Variants in PDCD11 observed in about 807,000 individuals in gnomAD.
The protein encoded by PDCD11 is programmed cell death 11.
A neutral mutation model predicts 198.9 loss-of-function variants in PDCD11; 97 were observed. The ratio of observed to expected loss-of-function variants is 0.49; its 90% CI spans 0.41 to 0.58. The LOEUF (loss-of-function observed/expected upper bound fraction) is 0.58, where lower values mean the gene tolerates loss of function less well. PDCD11 is among the 20% of genes least tolerant of loss of function. The pLI is 0.00. For synonymous variants in PDCD11, 893 were observed against 918.0 expected (o/e 0.97, Z 0.49); for missense variants, 2,102 against 2,312.7 (o/e 0.91, Z 1.87).
chr10:103,442,950 C>T (rs1047034863), intron 32 of PDCD11, among the ~76,000 whole-genome samples: 4 of 152,156 alleles, frequency 2.6e-5, no homozygotes, highest in African/African-American at 9.7e-5. Flanking sequence ...AGGCAGAATC[C>T]AGGAGAGCCT....
intron 25 of PDCD11, among the ~76,000 whole-genome samples, chr10:103,437,314 A>G (rs1281785496): frequency 1.3e-5 from 2 of 151,626 alleles, no homozygotes; most frequent in Non-Finnish European, 2.9e-5. Flanking sequence ...GCTTTTTAAA[A>G]AAGTTTTTTT....
chr10:103,420,088 G>A (rs551656411), intron 16 of PDCD11, among the ~76,000 whole-genome samples: 25 of 149,934 alleles, frequency 1.7e-4, no homozygotes, highest in Middle Eastern at 3.5e-3. Flanking sequence ...GTGAGCCACC[G>A]CACCTGGCCA....
chr10:103,411,102 A>G (rs1467460046), intron 8 of PDCD11, among the ~76,000 whole-genome samples: 1 of 151,508 alleles, frequency 6.6e-6, no homozygotes, highest in African/African-American at 2.4e-5. Flanking sequence ...AAATTTTTAC[A>G]GGCGAGGTCT....
At chr10:103,409,676 T>C (rs2030675830) in intron 7 of PDCD11, 23 bp from the exon 8 acceptor site, 1 of 1,571,502 alleles carries the variant, frequency 6.4e-7, no homozygotes, top group African/African-American at 1.4e-5. Context: ...CTTTTTTTTA[T>C]AACTTGTTCT....
At chr10:103,398,381 C>A in intron 1 of PDCD11, 35 bp from the exon 2 acceptor site, 2 of 1,298,914 alleles carry the variant, frequency 1.5e-6, no homozygotes, top group Non-Finnish European at 2.2e-6. Context: ...GCTACCAAGA[C>A]AACATGTCAC....
intron 7 of PDCD11, among the ~76,000 whole-genome samples, chr10:103,408,714 T>C (rs1446069095): frequency 6.6e-6 from 1 of 152,006 alleles, no homozygotes; most frequent in African/African-American, 2.4e-5. Flanking sequence ...CTAATTTTTG[T>C]ATTTTTGTAG....
intron 21 of PDCD11, among the ~76,000 whole-genome samples, chr10:103,431,396 G>GA (rs2031927483): frequency 1.3e-5 from 2 of 151,952 alleles, no homozygotes; most frequent in Non-Finnish European, 2.9e-5. Flanking sequence ...TTCGAGACCA[G>GA]CCTGGCCAAC....
In PDCD11 at chr10:103,439,812, A is replaced by G. The variant is rs2032301629; in HGVS notation, c.4092A>G (p.Lys1364=). The stretch of plus-strand genomic sequence containing the variant: ...TCTCCCAGCACAGCCCGTCCAAGAA[A>G]GCCCTTTATAACAAACACCTCCCTG... The part of the protein sequence containing the change: ...SHVSQHSPSK[K]ALYNKHLPEG... The change falls in exon 28 of 36, where the codon AAA becomes AAG. Residue 1364 remains lysine, a synonymous_variant. Coordinates refer to ENST00000369797, the MANE Select transcript of PDCD11 (RefSeq NM_014976.2). The G allele has an allele frequency of 3.1e-6, 5 of 1,614,014 alleles. No homozygotes were observed. The South Asian group carries it at 5.5e-5, about 18-fold the overall frequency.
At chr10:103,427,838 G>C (rs1319420225) in intron 21 of PDCD11, among the ~76,000 whole-genome samples, 1 of 152,146 alleles carries the variant, frequency 6.6e-6, no homozygotes, top group Admixed American at 6.5e-5. Flanking sequence ...GATACTCTGT[G>C]GGGAGGAGAA....
At chr10:103,420,533 T>C (rs1435195275) in intron 16 of PDCD11, among the ~76,000 whole-genome samples, 1 of 152,098 alleles carries the variant, frequency 6.6e-6, no homozygotes, top group African/African-American at 2.4e-5. Flanking sequence ...CCGAGGCCTA[T>C]TGAGGGGATG....
chr10:103,407,571 A>G (rs2030536601), intron 7 of PDCD11, among the ~76,000 whole-genome samples: 1 of 152,040 alleles, frequency 6.6e-6, no homozygotes, highest in African/African-American at 2.4e-5. Flanking sequence ...TCAAACAAAC[A>G]AACAAAATAT....
At chr10:103,398,269 G>A (rs1168892877) in intron 1 of PDCD11, 147 bp from the exon 2 acceptor site, 7 of 594,620 alleles carry the variant, frequency 1.2e-5, no homozygotes, top group African/African-American at 7.4e-5. Flanking sequence ...GGATTATTCC[G>A]GGCCTGACAT....
At chr10:103,402,490 G>A (rs2030161657) in intron 3 of PDCD11, among the ~76,000 whole-genome samples, 1 of 151,844 alleles carries the variant, frequency 6.6e-6, no homozygotes, top group Non-Finnish European at 1.5e-5. Flanking sequence ...CCAGGCTGGA[G>A]TGCAGTGGCA....
At position 103,418,433 on chromosome 10, in the gene PDCD11, T is replaced by C; in HGVS notation, c.1912-7T>C. 1 of 1,611,410 alleles carries C rather than the reference T, an allele frequency of 6.2e-7. No homozygotes were observed. The highest frequency in any genetic ancestry group is 8.5e-7 in the Non-Finnish European group (1 of 1,178,092). On this transcript the variant is annotated splice_region_variant and splice_polypyrimidine_tract_variant and intron_variant, in intron 14 of 35. Transcript: ENST00000369797. ...GTGCTATTTTTGTCTTTCTCTTCCC[T>C]GGGTAGTTGGTAGATGTGAAGGTTT...
In PDCD11 at chr10:103,418,028, G is replaced by A. The variant is rs932088014; in HGVS notation, c.1911+96G>A. The A allele has an allele frequency of 3.6e-6, 5 of 1,373,082 alleles. No individual in the cohort carries two copies. The African/African-American group carries it at 7.3e-5, about 20-fold the overall frequency. 85.1% of individuals were successfully genotyped at this position (1,373,082 alleles called of 1,614,324 possible). A position where few individuals can be genotyped will look rare whatever the true frequency, so the allele number is the denominator to read the frequency against. ...CATATTGGAACCCACGAAGCGGAAA[G>A]ATAGAGGTAGCTAGATAAGATTTTG... On this transcript the variant is annotated intron_variant, in intron 14 of 35. Coordinates refer to ENST00000369797, the MANE Select transcript of PDCD11 (RefSeq NM_014976.2).
intron 22 of PDCD11, among the ~76,000 whole-genome samples, chr10:103,433,550 A>T (rs2032024590): frequency 6.6e-6 from 1 of 152,242 alleles, no homozygotes; most frequent in African/African-American, 2.4e-5. Context: ...CTGCATAAAC[A>T]GTGAAGGATC....
Position 103,440,705 on chromosome 10 carries a change from C to T in PDCD11, c.4441-29C>T, listed in dbSNP as rs557221459. The T allele has an allele frequency of 2.5e-6, 4 of 1,612,772 alleles. No homozygotes were observed. The African/African-American group carries it at 4.0e-5, about 16-fold the overall frequency. On this transcript the variant is annotated intron_variant, in intron 29 of 35. Coordinates refer to ENST00000369797, the MANE Select transcript of PDCD11 (RefSeq NM_014976.2). ...TCGCCTGGGGCTGCAGGAGGATGCT[C>T]CTAGGCATTCTCCCACCTGGCCTCT...
At chr10:103,445,316 C>G in intron 35 of PDCD11, 62 bp from the exon 36 acceptor site, 1 of 1,540,778 alleles carries the variant, frequency 6.5e-7, no homozygotes, top group Non-Finnish European at 8.9e-7. Flanking sequence ...TGGGTGAGTG[C>G]TAGGCAGGAA....
Position 103,432,213 on chromosome 10 carries a change from T to C in PDCD11, c.3453T>C (p.Thr1151=). 1 of 1,612,714 alleles carries C rather than the reference T, an allele frequency of 6.2e-7. No homozygotes were observed. Among genetic ancestry groups the C allele is most frequent in the Non-Finnish European group, 8.5e-7 (1 of 1,178,644 alleles). Reference sequence around the variant, plus strand: ...TTAAACAGTACCAGGCCGGCCAGACTGTTACTTGCTTCTTAAAGAAAGTAA... The same window carrying C: ...TTAAACAGTACCAGGCCGGCCAGACCGTTACTTGCTTCTTAAAGAAAGTAA... ...EKIKQYQAGQ[T]VTCFLKKYNV... The change falls in exon 22 of 36, where the codon ACT becomes ACC. Residue 1151 remains threonine (T), a synonymous_variant. Transcript: ENST00000369797.
Sources: allele counts gnomAD v4.1 joint callset (sites outside exome capture counted in the v4.1 genomes callset), GRCh38; gene constraint gnomAD v4.1.1; transcripts MANE v1.5; gene names NCBI Gene and HGNC (gene_info 2026-07-23, HGNC 2026-07-21).